Variants in STEAP3 observed in about 807,000 individuals in gnomAD.
STEAP3 encodes STEAP3 metalloreductase.
Under a neutral mutation model 34.9 loss-of-function variants are expected in STEAP3, and 35 were observed. That is an observed-to-expected ratio of 1.00 (90% CI 0.76 to 1.33). The LOEUF is 1.33. STEAP3 is among the 40% of genes most tolerant of loss of function. STEAP3 has a pLI of 0.00. For missense variants in STEAP3, 652 were observed against 667.6 expected (o/e 0.98, Z 0.26); for synonymous variants, 281 against 301.6 (o/e 0.93, Z 0.71).
chr2:119,257,277 A>G (rs1214246987), intron 5 of STEAP3, among the ~76,000 whole-genome samples: 1 of 152,252 alleles, frequency 6.6e-6, no homozygotes, highest in Non-Finnish European at 1.5e-5. Flanking sequence ...TCTACCGGAC[A>G]GCAGAGTAAA....
In STEAP3 at chr2:119,254,803, G is replaced by A. The variant is rs144510346; in HGVS notation, c.1170G>A (p.Pro390=). ...CCCTGCTGGCCGTGACCTCACTGCC[G>A]TCCATTGCAAACTCGCTCAACTGGA... ...TLSLLAVTSL[P]SIANSLNWRE... The change falls in exon 5 of 6, where the codon CCG becomes CCA. Residue 390 remains proline, a synonymous_variant. Transcript: ENST00000393110. The A allele has an allele frequency of 5.7e-5, 92 of 1,614,118 alleles. No homozygotes were observed. Among genetic ancestry groups the A allele is most frequent in the Non-Finnish European group, 6.9e-5 (81 of 1,180,028 alleles).
chr2:119,230,899 A>C lies in STEAP3; in HGVS notation c.-114A>C. The C allele has an allele frequency of 6.9e-7, 1 of 1,451,174 alleles. No homozygotes were observed. The highest frequency in any genetic ancestry group is 9.7e-7 in the Non-Finnish European group (1 of 1,034,482). The allele number at this position is 1,451,174 out of a possible 1,614,324, so 89.9% of individuals were successfully genotyped here. ...AGGGCCCTCGCCTCCTGAGAAACCGAGAGTCAGAACCAAAGCCAGGCTGTC... is the reference window on the plus strand; with the variant it reads ...AGGGCCCTCGCCTCCTGAGAAACCGCGAGTCAGAACCAAAGCCAGGCTGTC... On this transcript the variant is annotated 5_prime_UTR_variant, in exon 2 of 6. Coordinates refer to ENST00000393110, the MANE Select transcript of STEAP3 (RefSeq NM_182915.3).
intron 2 of STEAP3, among the ~76,000 whole-genome samples, chr2:119,243,506 T>C (rs1677311950): frequency 6.6e-6 from 1 of 152,152 alleles, no homozygotes; most frequent in Admixed American, 6.5e-5. Context: ...TTCCCTCCTC[T>C]GTAAAGTGGG....
intron 4 of STEAP3, among the ~76,000 whole-genome samples, chr2:119,252,944 G>A (rs1427199482): frequency 1.3e-5 from 2 of 152,198 alleles, no homozygotes; most frequent in Admixed American, 6.5e-5. Context: ...TGATCTTCCC[G>A]AGGCGCAGAG....
At chr2:119,236,213 G>C (rs1677090488) in intron 2 of STEAP3, among the ~76,000 whole-genome samples, 1 of 152,226 alleles carries the variant, frequency 6.6e-6, no homozygotes, top group Non-Finnish European at 1.5e-5. Context: ...ATATCCTAGA[G>C]AGGAATAGAA....
intron 2 of STEAP3, chr2:119,245,101 A>ATCTCGG: frequency 1.0e-5 from 2 of 194,458 alleles, no homozygotes; most frequent in Admixed American, 1.0e-4. Context: ...TTGGGGTTAG[A>ATCTCGG]TGGTCACTCC....
chr2:119,259,633 A>G (rs995646243), intron 5 of STEAP3, among the ~76,000 whole-genome samples: 7 of 152,356 alleles, frequency 4.6e-5, no homozygotes, highest in Non-Finnish European at 1.0e-4. Flanking sequence ...CAGAGCCCAG[A>G]GTGCCCAGCA....
chr2:119,238,571 A>T (rs1677153973), intron 2 of STEAP3, among the ~76,000 whole-genome samples: 1 of 152,162 alleles, frequency 6.6e-6, no homozygotes, highest in South Asian at 2.1e-4. Flanking sequence ...ACTTTTCTCC[A>T]TTCTGAGTTG....
chr2:119,260,812 CACTGTGGGTG>C lies in STEAP3; in HGVS notation c.1216-2242_1216-2233del, dbSNP rs1338865291. On this transcript the variant is annotated intron_variant, in intron 5 of 5. Transcript: ENST00000393110. ...TGACCACATTAAAATGATAGGAATT[CACTGTGGGTG>C]ACAGCATAAAGCCAATCGTGGCTTC... Among the ~76,000 whole-genome samples, 3 of 152,196 alleles carry C rather than the reference CACTGTGGGTG, an allele frequency of 2.0e-5. No individual in the cohort carries two copies. In the East Asian group the frequency reaches 5.8e-4, roughly 29 times the overall value.
At position 119,235,951 on chromosome 2, in the gene STEAP3, C is replaced by A. The variant is rs148112575; in HGVS notation, c.22+4917C>A. ...GGGCTGTGGCCCTGAGCAGCAGGTC[C>A]TCCTACTCTTCCCTCCACCCCAGAT... On this transcript the variant is annotated intron_variant, in intron 2 of 5. Coordinates refer to ENST00000393110, the MANE Select transcript of STEAP3 (RefSeq NM_182915.3). 7.8e-3 allele frequency among the ~76,000 whole-genome samples: 1,181 copies of A among 152,318 alleles called. 12 individuals carry two copies. The highest frequency in any genetic ancestry group is 0.026 in the African/African-American group (1,099 of 41,566).
chr2:119,231,694 T>C lies in STEAP3; in HGVS notation c.22+660T>C, dbSNP rs138996820. On this transcript the variant is annotated intron_variant, in intron 2 of 5. Coordinates refer to ENST00000393110, the MANE Select transcript of STEAP3 (RefSeq NM_182915.3). ...CTTGAGTTTTCTGTATTCTCTTTTG[T>C]AGGAACTTCTCAGCCTTCCTTTTAA... 9.9e-3 allele frequency among the ~76,000 whole-genome samples: 1,505 copies of C among 152,316 alleles called. 14 individuals are homozygous for C. The highest frequency in any genetic ancestry group is 0.018 in the South Asian group (86 of 4,820).
In STEAP3 at chr2:119,248,100, T is replaced by C. The variant is rs144575753; in HGVS notation, c.944T>C (p.Ile315Thr). The change falls in exon 4 of 6, where the codon ATC (isoleucine) becomes ACC (threonine). Residue 315 changes from isoleucine to threonine, a missense_variant. Ile to Thr is a moderately conservative substitution (Grantham distance 89). Coordinates refer to ENST00000393110, the MANE Select transcript of STEAP3 (RefSeq NM_182915.3). ...LDHWLQHRKQ[I>T]GLLSFFCAAL... is the part of the protein sequence containing the mutation. ...CACTGGCTACAGCACCGCAAGCAGA[T>C]CGGGCTGCTCAGCTTCTTCTGCGCC... The C allele has an allele frequency of 3.2e-4, 519 of 1,608,540 alleles. No homozygotes were observed. The highest frequency in any genetic ancestry group is 4.2e-4 in the Non-Finnish European group (496 of 1,179,926).
chr2:119,262,992 C>T lies in STEAP3; in HGVS notation c.1216-65C>T, dbSNP rs867505960. On this transcript the variant is annotated intron_variant, in intron 5 of 5. Coordinates refer to ENST00000393110, the MANE Select transcript of STEAP3 (RefSeq NM_182915.3). ...CCCTCCGCCAGGCCAGCAGATGAGT[C>T]GTTGGCAGGATCACTGCATCTGTCA... The T allele has an allele frequency of 2.5e-6, 4 of 1,573,700 alleles. No homozygotes were observed. The Admixed American group carries it at 5.1e-5, about 20-fold the overall frequency.
At position 119,235,879 on chromosome 2, in the gene STEAP3, C is replaced by G. The variant is rs372938507; in HGVS notation, c.22+4845C>G. Among the ~76,000 whole-genome samples, 59 of 152,272 alleles carry G rather than the reference C, an allele frequency of 3.9e-4. No individual in the cohort carries two copies. The East Asian group carries it at 6.6e-3, about 17-fold the overall frequency. ...GTTGGGACCAGCATCCCCTAGAGGG[C>G]TCAAGGAGCCCAGTGCCGACCCCAG... is the stretch of plus-strand genomic sequence containing the variant. On this transcript the variant is annotated intron_variant, in intron 2 of 5. Coordinates refer to ENST00000393110, the MANE Select transcript of STEAP3 (RefSeq NM_182915.3).
chr2:119,258,407 C>T (rs1677837780), intron 5 of STEAP3, among the ~76,000 whole-genome samples: 1 of 152,062 alleles, frequency 6.6e-6, no homozygotes, highest in African/African-American at 2.4e-5. Flanking sequence ...CAGTAGGTCT[C>T]AGCCTCATTT....
chr2:119,245,907 C>G lies in STEAP3; in HGVS notation c.441C>G (p.Phe147Leu), dbSNP rs752965233. 14 of 1,613,864 alleles carry G rather than the reference C, an allele frequency of 8.7e-6. No individual in the cohort carries two copies. The African/African-American group carries it at 1.9e-4, about 22-fold the overall frequency. Reference sequence around the variant, plus strand: ...ATGCTGAGTACCTGGCCTCCCTCTTCCCCACTTGCACAGTGGTCAAGGCCT... The same window carrying G: ...ATGCTGAGTACCTGGCCTCCCTCTTGCCCACTTGCACAGTGGTCAAGGCCT... Reference protein sequence around the residue: ...ESNAEYLASLFPTCTVVKAFN... With the variant: ...ESNAEYLASLLPTCTVVKAFN... Residue 147 changes from phenylalanine (F) to leucine (L), a missense_variant, in exon 3 of 6, where the codon TTC becomes TTG. Phe to Leu is a conservative substitution (Grantham distance 22). Coordinates refer to ENST00000393110, the MANE Select transcript of STEAP3 (RefSeq NM_182915.3).
intron 2 of STEAP3, among the ~76,000 whole-genome samples, chr2:119,243,035 C>T (rs6728660): frequency 0.32 from 49,361 of 152,096 alleles, 9,546 homozygotes; most frequent in East Asian, 0.65. Context: ...CTGTGCCTGG[C>T]GTGAGTGTCT....
chr2:119,245,090 G>C, intron 2 of STEAP3: 3 of 188,866 alleles, frequency 1.6e-5, no homozygotes, highest in Admixed American at 1.1e-4. Flanking sequence ...CGATGGTGAG[G>C]TTGGGGTTAG....
At chr2:119,228,190 C>T (rs890972165) in intron 1 of STEAP3, among the ~76,000 whole-genome samples, 2 of 152,052 alleles carry the variant, frequency 1.3e-5, no homozygotes, top group East Asian at 1.9e-4. Flanking sequence ...GGGAGTGGTG[C>T]GTGATTTTCC....
Sources: gnomAD v4.1 joint callset for allele counts (sites outside exome capture counted in the v4.1 genomes callset) on GRCh38, gnomAD v4.1.1 for gene constraint, MANE v1.5 for transcripts, NCBI Gene and HGNC (gene_info 2026-07-23, HGNC 2026-07-21) for gene names.